Variants in RHOBTB3 observed in about 807,000 individuals in gnomAD.
RHOBTB3 encodes the protein Rho related BTB domain containing 3.
Under a neutral mutation model 67.2 loss-of-function variants are expected in RHOBTB3, and 47 were observed. That is an observed-to-expected ratio of 0.70 (90% CI 0.55 to 0.89). RHOBTB3 has a LOEUF of 0.89. Among genes scored for constraint, RHOBTB3 ranks in the 40% least tolerant of loss-of-function variants. The pLI, the probability that RHOBTB3 is intolerant of heterozygous loss-of-function variation, is 0.00. For synonymous variants in RHOBTB3, 273 were observed against 274.2 expected (o/e 1.00, Z 0.04); for missense variants, 631 against 750.0 (o/e 0.84, Z 1.85).
chr5:95,788,472 A>C (rs1218463699), intron 10 of RHOBTB3, among the ~76,000 whole-genome samples: 1 of 152,252 alleles, frequency 6.6e-6, no homozygotes, highest in Non-Finnish European at 1.5e-5. Context: ...TAAATCTTCA[A>C]GAACCTCAGA....
chr5:95,792,314 A>C (rs1365415155), intron 11 of RHOBTB3, among the ~76,000 whole-genome samples: 1 of 148,490 alleles, frequency 6.7e-6, no homozygotes, highest in Non-Finnish European at 1.5e-5. Flanking sequence ...GTGAACCCGG[A>C]AGGCAGAGCT....
intron 4 of RHOBTB3, among the ~76,000 whole-genome samples, chr5:95,750,783 CAG>C (rs1015964851): frequency 6.6e-6 from 1 of 152,084 alleles, no homozygotes; most frequent in Non-Finnish European, 1.5e-5. Context: ...GGACAGTGGA[CAG>C]AGCTTTGATG....
chr5:95,768,145 G>C lies in RHOBTB3; in HGVS notation c.1261G>C (p.Asp421His). The change falls in exon 8 of 12, where the codon GAT becomes CAT. Residue 421 changes from aspartate (D) to histidine (H), a missense_variant. Transcript: ENST00000379982. ...TTTCCTTAATAAGCCGATGCTTGCC[G>C]ATGTTGTCTTCGAAATTCAAGGTAC... ...KFFLNKPMLA[D>H]VVFEIQGTTV... 6.2e-7 allele frequency: 1 copy of C among 1,612,598 alleles called. No homozygotes were observed. The highest frequency in any genetic ancestry group is 2.2e-5 in the East Asian group (1 of 44,868).
intron 9 of RHOBTB3, 184 bp from the exon 10 acceptor site, chr5:95,783,613 G>T: frequency 4.7e-5 from 12 of 253,154 alleles, no homozygotes; most frequent in East Asian, 1.5e-4. Flanking sequence ...AGAAAAAAAA[G>T]ATAAAATGGA....
At chr5:95,741,712 C>T (rs746248857) in intron 3 of RHOBTB3, among the ~76,000 whole-genome samples, 9 of 151,556 alleles carry the variant, frequency 5.9e-5, no homozygotes, top group Non-Finnish European at 1.2e-4. Context: ...GGGGAGGGAC[C>T]GTGTCTGTCA....
intron 3 of RHOBTB3, among the ~76,000 whole-genome samples, chr5:95,746,580 G>A (rs1744919761): frequency 1.3e-5 from 2 of 152,186 alleles, no homozygotes; most frequent in African/African-American, 4.8e-5. Context: ...GCATAATTTA[G>A]AGAACTCAAG....
chr5:95,723,404 T>G (rs10055104), intron 1 of RHOBTB3, among the ~76,000 whole-genome samples: 9,543 of 152,224 alleles, frequency 0.063, 748 homozygotes, highest in African/African-American at 0.19. Flanking sequence ...AAGACTGTAG[T>G]CTCCTTCTCT....
chr5:95,794,153 G>A lies in RHOBTB3; in HGVS notation c.*979G>A, dbSNP rs1320349055. On this transcript the variant is annotated 3_prime_UTR_variant, in exon 12 of 12. Transcript: ENST00000379982. ...ACCTTGGCTGGCAAGGGAGAAATGT[G>A]TTGTGTTGTCTTAGCTTTAAAACAG... is the stretch of plus-strand genomic sequence containing the variant. 2.4e-6 allele frequency: 1 copy of A among 412,276 alleles called. No individual in the cohort carries two copies. Among genetic ancestry groups the A allele is most frequent in the Admixed American group, 3.1e-5 (1 of 32,004 alleles). The allele number at this position is 412,276 out of a possible 1,614,324, so 25.5% of individuals were successfully genotyped here. A position where few individuals can be genotyped will look rare whatever the true frequency, so the allele number is the denominator to read the frequency against.
chr5:95,727,791 T>C (rs1274922577), upstream of RHOBTB3, among the ~76,000 whole-genome samples: 1 of 152,234 alleles, frequency 6.6e-6, no homozygotes, highest in Non-Finnish European at 1.5e-5. Flanking sequence ...ATCTGTGATA[T>C]TCTTTTAGCC....
intron 9 of RHOBTB3, among the ~76,000 whole-genome samples, chr5:95,780,906 T>G (rs1457634816): frequency 2.0e-5 from 3 of 152,182 alleles, no homozygotes. Context: ...GGATGTGGGA[T>G]TTGTAAAGGC....
At chr5:95,761,339 CTTT>C (rs766063568) in intron 6 of RHOBTB3, among the ~76,000 whole-genome samples, 2 of 125,802 alleles carry the variant, frequency 1.6e-5, no homozygotes, top group Admixed American at 7.9e-5. Context: ...CCTTTTTCCT[CTTT>C]TTTTTTTTTT....
intron 7 of RHOBTB3, among the ~76,000 whole-genome samples, chr5:95,767,529 G>A (rs1052477532): frequency 6.6e-6 from 1 of 152,030 alleles, no homozygotes; most frequent in African/African-American, 2.4e-5. Flanking sequence ...GTAGAAACAG[G>A]GTTTTGCTAT....
In RHOBTB3 at chr5:95,746,620, A is replaced by G. The variant is rs554999795; in HGVS notation, c.416-1713A>G. On this transcript the variant is annotated intron_variant, in intron 3 of 11. Coordinates refer to ENST00000379982, the MANE Select transcript of RHOBTB3 (RefSeq NM_014899.4). ...ATTTTTAAATCACTGTATCTTTGGA[A>G]TCAGTAATTCTCTACTAAAACTATA... Among the ~76,000 whole-genome samples, 8 of 152,320 alleles carry G rather than the reference A, an allele frequency of 5.3e-5. No homozygotes were observed. In the Middle Eastern group the frequency reaches 0.01, roughly 194 times the overall value.
intron 6 of RHOBTB3, among the ~76,000 whole-genome samples, chr5:95,756,669 C>T (rs1291822482): frequency 6.6e-6 from 1 of 152,028 alleles, no homozygotes; most frequent in Non-Finnish European, 1.5e-5. Flanking sequence ...CCAACACTTG[C>T]TGTTTATTTT....
chr5:95,718,363 T>A (rs1197014772), intron 1 of RHOBTB3, among the ~76,000 whole-genome samples: 8 of 152,210 alleles, frequency 5.3e-5, no homozygotes, highest in Non-Finnish European at 1.2e-4. Flanking sequence ...GGGATCAGCC[T>A]GAAATCAGAT....
rs550119412 is a variant in RHOBTB3, at chr5:95,795,429, A to G, written c.*2255A>G. The stretch of plus-strand genomic sequence containing the variant: ...ATTACAGCATTTAAAGTTCAAAATC[A>G]GTAACTTTTAATCTAGGAAATTGAA... On this transcript the variant is annotated 3_prime_UTR_variant, in exon 12 of 12. Coordinates refer to ENST00000379982, the MANE Select transcript of RHOBTB3 (RefSeq NM_014899.4). 5 of 152,368 alleles carry G rather than the reference A, an allele frequency of 3.3e-5. No homozygotes were observed. In the South Asian group the frequency reaches 1.0e-3, roughly 32 times the overall value. 9.4% of individuals were successfully genotyped at this position (152,368 alleles called of 1,614,324 possible).
intron 8 of RHOBTB3, among the ~76,000 whole-genome samples, chr5:95,779,049 CTT>C (rs1745974883): frequency 6.6e-6 from 1 of 152,236 alleles, no homozygotes; most frequent in African/African-American, 2.4e-5. Flanking sequence ...AGATGTAACT[CTT>C]TTCTTCTTTC....
chr5:95,760,396 GA>G (rs1467273717), intron 6 of RHOBTB3, among the ~76,000 whole-genome samples: 1 of 152,164 alleles, frequency 6.6e-6, no homozygotes, highest in Non-Finnish European at 1.5e-5. Flanking sequence ...AGATGGTTAG[GA>G]AGTGAAGTAT....
At chr5:95,719,327 C>T (rs936252891) in intron 1 of RHOBTB3, among the ~76,000 whole-genome samples, 1 of 152,002 alleles carries the variant, frequency 6.6e-6, no homozygotes, top group African/African-American at 2.4e-5. Context: ...ACTGACTCTC[C>T]CTCTCTACCC....
Sources: allele counts gnomAD v4.1 joint callset (sites outside exome capture counted in the v4.1 genomes callset), GRCh38; gene constraint gnomAD v4.1.1; transcripts MANE v1.5; gene names NCBI Gene and HGNC (gene_info 2026-07-23, HGNC 2026-07-21).